PHAF1: variants seen among roughly 807,000 people sequenced by gnomAD.
PHAF1 encodes the protein phagosome assembly factor 1.
A neutral mutation model predicts 63.1 loss-of-function variants in PHAF1; 23 were observed. That is an observed-to-expected ratio of 0.36 (90% CI 0.26 to 0.52). PHAF1 has a LOEUF of 0.52. Among genes scored for constraint, PHAF1 ranks in the 20% least tolerant of loss-of-function variants. The pLI is 0.93. For missense variants in PHAF1, 427 were observed against 517.2 expected, an observed-to-expected ratio of 0.83 and a Z score of 1.69; for synonymous variants, 167 against 185.0, an observed-to-expected ratio of 0.90 and a Z score of 0.79.
At chr16:67,140,409 G>A (rs912708017) in intron 9 of PHAF1, 102 bp from the exon 10 acceptor site, 47 of 1,074,478 alleles carry the variant, frequency 4.4e-5, no homozygotes, top group Non-Finnish European at 5.7e-5. Flanking sequence ...TGCTTGTTCC[G>A]CAGCTTAATG....
chr16:67,134,858 G>A, intron 8 of PHAF1: 1 of 373,654 alleles, frequency 2.7e-6, no homozygotes, highest in Non-Finnish European at 5.3e-6. Context: ...CACCTTGGTG[G>A]TTAGGATTTC....
At chr16:67,120,330 T>C in intron 2 of PHAF1, 136 bp downstream of exon 2, 2 of 737,488 alleles carry the variant, frequency 2.7e-6, no homozygotes, top group Admixed American at 2.8e-5. Flanking sequence ...CAGCCAGTTA[T>C]CAAGTACCTT....
intron 8 of PHAF1, among the ~76,000 whole-genome samples, chr16:67,138,364 G>T (rs1275544093): frequency 6.6e-6 from 1 of 152,176 alleles, no homozygotes; most frequent in East Asian, 1.9e-4. Context: ...AGTTATTTCA[G>T]ATTTGGGTTC....
intron 1 of PHAF1, among the ~76,000 whole-genome samples, chr16:67,110,772 GT>G (rs1962480468): frequency 6.6e-6 from 1 of 152,126 alleles, no homozygotes; most frequent in Admixed American, 6.5e-5. Context: ...AGGGAGTTGA[GT>G]TTGTGTGTAT....
chr16:67,115,176 T>C (rs1020852202), intron 1 of PHAF1, among the ~76,000 whole-genome samples: 1 of 152,228 alleles, frequency 6.6e-6, no homozygotes, highest in African/African-American at 2.4e-5. Flanking sequence ...TTCACAGATG[T>C]GCATGACCAC....
chr16:67,141,840 C>T (rs1041067780), intron 10 of PHAF1, among the ~76,000 whole-genome samples: 15 of 152,312 alleles, frequency 9.8e-5, no homozygotes, highest in African/African-American at 2.6e-4. Flanking sequence ...AGCTCTGGCT[C>T]GGGGAGCTCC....
chr16:67,134,118 G>A (rs759605326), intron 6 of PHAF1, 50 bp from the exon 7 acceptor site: 1 of 1,466,536 alleles, frequency 6.8e-7, no homozygotes, highest in Non-Finnish European at 9.5e-7. Flanking sequence ...CAGAGCCTGA[G>A]TCCCATCACC....
At chr16:67,123,388 C>T (rs961279853) in intron 2 of PHAF1, among the ~76,000 whole-genome samples, 1 of 151,768 alleles carries the variant, frequency 6.6e-6, no homozygotes, top group Non-Finnish European at 1.5e-5. Flanking sequence ...ACCAGCCTGG[C>T]CAACATGGTG....
chr16:67,131,179 AG>A, intron 3 of PHAF1, 106 bp from the exon 4 acceptor site: 2 of 462,422 alleles, frequency 4.3e-6, no homozygotes, highest in Admixed American at 4.8e-5. Context: ...TATTGGTAAT[AG>A]TTTTTTTTTT....
At chr16:67,122,278 A>T (rs969669288) in intron 2 of PHAF1, among the ~76,000 whole-genome samples, 1 of 152,124 alleles carries the variant, frequency 6.6e-6, no homozygotes, top group African/African-American at 2.4e-5. Context: ...CATTAAGCTG[A>T]TTTTCCCCAA....
At chr16:67,116,527 C>T (rs1462921948) in intron 1 of PHAF1, among the ~76,000 whole-genome samples, 1 of 152,208 alleles carries the variant, frequency 6.6e-6, no homozygotes, top group African/African-American at 2.4e-5. Flanking sequence ...TACAATCCAT[C>T]AGTCCCACTC....
chr16:67,112,679 C>G (rs1962566490), intron 1 of PHAF1, among the ~76,000 whole-genome samples: 1 of 152,148 alleles, frequency 6.6e-6, no homozygotes, highest in South Asian at 2.1e-4. Context: ...TCCCAGGAAT[C>G]AAGGGTTTAC....
intron 12 of PHAF1, 115 bp from the exon 13 acceptor site, chr16:67,145,261 C>A: frequency 1.7e-6 from 2 of 1,186,416 alleles, no homozygotes; most frequent in Admixed American, 4.0e-5. Context: ...TGTTAATCCT[C>A]CCCATGTACT....
chr16:67,120,267 G>C, intron 2 of PHAF1, 73 bp downstream of exon 2: 1 of 1,397,418 alleles, frequency 7.2e-7, no homozygotes, highest in Non-Finnish European at 1.0e-6. Context: ...TGATGCTTTG[G>C]GATAGGCTGA....
intron 2 of PHAF1, 96 bp from the exon 3 acceptor site, chr16:67,125,863 A>G: frequency 1.1e-6 from 1 of 886,826 alleles, no homozygotes; most frequent in Non-Finnish European, 1.8e-6. Flanking sequence ...CTGCACTTAG[A>G]TATTCCTTGT....
Position 67,110,239 on chromosome 16 carries a change from G to T in PHAF1, c.64G>T (p.Gly22Ter). The T allele has an allele frequency of 6.4e-7, 1 of 1,551,956 alleles. No individual in the cohort carries two copies. Residue 22 changes from glycine (G) to a stop codon, truncating the protein, a stop_gained and splice_region_variant, in exon 1 of 16, where the codon GGA becomes TGA. Transcript: ENST00000219139. LOFTEE classifies it high-confidence loss of function. Reference sequence around the variant, plus strand: ...GAACGAGCAATGGGAATTCACGCTGGGTGAGTTTGGGGTCCTCTGTCAGGA... The same window carrying T: ...GAACGAGCAATGGGAATTCACGCTGTGTGAGTTTGGGGTCCTCTGTCAGGA... ...LGNEQWEFTL[G>*]MPLAQAVAIL...
intron 1 of PHAF1, among the ~76,000 whole-genome samples, chr16:67,118,508 T>C (rs537394695): frequency 6.6e-6 from 1 of 151,658 alleles, no homozygotes; most frequent in Non-Finnish European, 1.5e-5. Context: ...GGCTAATTTT[T>C]GCATTTTTAA....
At position 67,129,663 on chromosome 16, in the gene PHAF1, A is replaced by T. The variant is rs544141253; in HGVS notation, c.232-1623A>T. 1.7e-3 allele frequency among the ~76,000 whole-genome samples: 255 copies of T among 152,240 alleles called. 2 individuals carry two copies. Among genetic ancestry groups the T allele is most frequent in the Non-Finnish European group, 2.7e-3 (186 of 68,002 alleles). ...CTTGTGTCTCCACAATGAGAGCAAA[A>T]CCTCCCAGCTGGAGGATGGTAGATG... On this transcript the variant is annotated intron_variant, in intron 3 of 15. Transcript: ENST00000219139.
chr16:67,145,008 G>T, intron 12 of PHAF1, 131 bp downstream of exon 12: 1 of 1,174,326 alleles, frequency 8.5e-7, no homozygotes, highest in Non-Finnish European at 1.3e-6. Context: ...CTCTGGGGTG[G>T]GCTCATTGTT....
Sources: gnomAD v4.1 joint callset for allele counts (sites outside exome capture counted in the v4.1 genomes callset) on GRCh38, gnomAD v4.1.1 for gene constraint, MANE v1.5 for transcripts, NCBI Gene and HGNC (gene_info 2026-07-23, HGNC 2026-07-21) for gene names.